The following KIF27 variants were observed in gnomAD, a reference collection of about 807,000 sequenced individuals.
KIF27 encodes the protein kinesin-like protein KIF27.
Under a neutral mutation model 141.8 loss-of-function variants are expected in KIF27, and 84 were observed. The observed-to-expected ratio is 0.59, with a 90% CI of 0.50 to 0.71. The LOEUF is 0.71. Among genes scored for constraint, KIF27 ranks in the 30% least tolerant of loss-of-function variants. The pLI, the probability that KIF27 is intolerant of heterozygous loss-of-function variation, is 0.00. For missense variants in KIF27, 1,306 were observed against 1,628.4 expected (o/e 0.80, Z 3.41); for synonymous variants, 471 against 569.5 (o/e 0.83, Z 2.46).
At chr9:83,880,600 T>G in intron 10 of KIF27, 106 bp from the exon 11 acceptor site, 2 of 926,900 alleles carry the variant, frequency 2.2e-6, no homozygotes, top group Non-Finnish European at 1.6e-6. Context: ...TTCCCTAGAT[T>G]TTCATTTATT....
intron 12 of KIF27, 79 bp from the exon 13 acceptor site, chr9:83,867,939 T>G: frequency 7.4e-7 from 1 of 1,354,582 alleles, no homozygotes; most frequent in Non-Finnish European, 9.9e-7. Flanking sequence ...AATTTCAGAT[T>G]GGCTGAAATC....
chr9:83,917,127 C>A (rs1293517421), intron 1 of KIF27, among the ~76,000 whole-genome samples: 1 of 151,376 alleles, frequency 6.6e-6, no homozygotes, highest in Non-Finnish European at 1.5e-5. Context: ...TGCTATCCCT[C>A]CCCCCTTCCC....
At chr9:83,898,283 G>T (rs1177560149) in intron 5 of KIF27, among the ~76,000 whole-genome samples, 1 of 151,946 alleles carries the variant, frequency 6.6e-6, no homozygotes, top group Non-Finnish European at 1.5e-5. Context: ...TAAAATATTA[G>T]AATTTACAGA....
chr9:83,885,769 C>G (rs1342525745), intron 9 of KIF27, among the ~76,000 whole-genome samples: 2 of 151,874 alleles, frequency 1.3e-5, no homozygotes, highest in Non-Finnish European at 2.9e-5. Flanking sequence ...GTAGCTGGGA[C>G]TACAGGCGTG....
chr9:83,895,048 A>G (rs1270173825), intron 5 of KIF27, among the ~76,000 whole-genome samples: 2 of 151,788 alleles, frequency 1.3e-5, no homozygotes, highest in South Asian at 4.2e-4. Flanking sequence ...GATCGAGACC[A>G]AGACCATCCT....
intron 16 of KIF27, among the ~76,000 whole-genome samples, chr9:83,846,121 C>T (rs952856196): frequency 1.5e-4 from 23 of 151,946 alleles, no homozygotes; most frequent in African/African-American, 3.4e-4. Flanking sequence ...GCTGAGTGCC[C>T]AGTTTGCCAG....
intron 1 of KIF27, among the ~76,000 whole-genome samples, chr9:83,919,573 A>C (rs1956047884): frequency 6.6e-6 from 1 of 152,020 alleles, no homozygotes; most frequent in Non-Finnish European, 1.5e-5. Context: ...AACAACAATG[A>C]ATTGATAATA....
In KIF27 at chr9:83,867,391, T is replaced by TATCC. The variant is rs199553286; in HGVS notation, c.2934+292_2934+293insGGAT. On this transcript the variant is annotated intron_variant, in intron 13 of 17. Coordinates refer to ENST00000297814, the MANE Select transcript of KIF27 (RefSeq NM_017576.4). Reference sequence around the variant, plus strand: ...ACAGAGATAGATCTATCTATCTATCTATCTATCCATCCATCCATCCATCCA... The same window carrying TATCC: ...ACAGAGATAGATCTATCTATCTATCTATCCATCTATCCATCCATCCATCCATCCA... 1.6e-3 allele frequency among the ~76,000 whole-genome samples: 244 copies of TATCC among 152,110 alleles called. 1 individual carries two copies. The highest frequency in any genetic ancestry group is 5.4e-3 in the African/African-American group (226 of 41,492).
rs993037050 is a variant in KIF27, at chr9:83,889,192, C to T, written c.1871G>A (p.Ser624Asn). The T allele has an allele frequency of 6.2e-7, 1 of 1,613,818 alleles. No individual in the cohort carries two copies. The highest frequency in any genetic ancestry group is 1.3e-5 in the African/African-American group (1 of 74,898). The change falls in exon 7 of 18, where the codon AGT becomes AAT. Residue 624 changes from serine (S) to asparagine (N), a missense_variant. Around this residue, in one of 4 missense-constraint regions of KIF27, gnomAD observed 596 missense variants for 751.6 expected, o/e 0.79. Transcript: ENST00000297814. ...DRIFAGFRTR[S>N]QMLLGHIEEQ... Reference sequence around the variant, plus strand: ...TTCTATGTGACCCAACAGCATCTGACTTCGTGTTCGAAATCCAGCAAATAT... The same window carrying T: ...TTCTATGTGACCCAACAGCATCTGATTTCGTGTTCGAAATCCAGCAAATAT...
At chr9:83,857,027 A>G (rs1588019055) in intron 14 of KIF27, among the ~76,000 whole-genome samples, 1 of 151,056 alleles carries the variant, frequency 6.6e-6, no homozygotes, top group East Asian at 1.9e-4. Flanking sequence ...ACTCTGTATT[A>G]TTAGAAATCT....
At chr9:83,877,127 T>C (rs1951264249) in intron 11 of KIF27, among the ~76,000 whole-genome samples, 1 of 152,188 alleles carries the variant, frequency 6.6e-6, no homozygotes, top group Non-Finnish European at 1.5e-5. Context: ...TGTTTTGATA[T>C]ACATAGTGAA....
Position 83,835,639 on chromosome 9 carries a change from G to A in KIF27, c.*1362C>T, listed in dbSNP as rs1335353623. 2 of 152,126 alleles carry A rather than the reference G, an allele frequency of 1.3e-5. No individual in the cohort carries two copies. The highest frequency in any genetic ancestry group is 4.8e-5 in the African/African-American group (2 of 41,420). 9.4% of individuals were successfully genotyped at this position (152,126 alleles called of 1,614,324 possible). The stretch of plus-strand genomic sequence containing the variant: ...GAAGCCTTAAGTCTTTGAGCACAGG[G>A]TGACAGTTTGGGTCCTATGTGAGAT... On this transcript the variant is annotated 3_prime_UTR_variant, in exon 18 of 18. Coordinates refer to ENST00000297814, the MANE Select transcript of KIF27 (RefSeq NM_017576.4).
At chr9:83,861,897 T>A (rs1283982975) in intron 13 of KIF27, among the ~76,000 whole-genome samples, 2 of 151,472 alleles carry the variant, frequency 1.3e-5, no homozygotes, top group Non-Finnish European at 3.0e-5. Flanking sequence ...GGTATCTCAT[T>A]GTGGTTTTGA....
At chr9:83,878,519 T>C (rs1486211103) in intron 11 of KIF27, among the ~76,000 whole-genome samples, 13 of 152,192 alleles carry the variant, frequency 8.5e-5, no homozygotes, top group Non-Finnish European at 1.9e-4. Context: ...CATTGATGGA[T>C]GAATGGATAA....
In KIF27 at chr9:83,835,605, G is replaced by T. The variant is rs1402264196; in HGVS notation, c.*1396C>A. The T allele has an allele frequency of 2.0e-5, 3 of 152,166 alleles. No homozygotes were observed. Among genetic ancestry groups the T allele is most frequent in the African/African-American group, 7.2e-5 (3 of 41,434 alleles). The allele number at this position is 152,166 out of a possible 1,614,324, so 9.4% of individuals were successfully genotyped here. ...ACTCTACTCCCTAGGGGCTAGCAATGAGAGAAAGGAAGCCTTAAGTCTTTG... is the reference window on the plus strand; with the variant it reads ...ACTCTACTCCCTAGGGGCTAGCAATTAGAGAAAGGAAGCCTTAAGTCTTTG... On this transcript the variant is annotated 3_prime_UTR_variant, in exon 18 of 18. Coordinates refer to ENST00000297814, the MANE Select transcript of KIF27 (RefSeq NM_017576.4).
intron 8 of KIF27, 95 bp from the exon 9 acceptor site, chr9:83,887,291 G>T: frequency 1.1e-5 from 9 of 806,584 alleles, no homozygotes; most frequent in Non-Finnish European, 1.6e-5. Context: ...AAGCAATTTA[G>T]AGGTGGCAGT....
At chr9:83,842,020 ACAAT>A (rs552185003) in intron 17 of KIF27, among the ~76,000 whole-genome samples, 70 of 152,212 alleles carry the variant, frequency 4.6e-4, no homozygotes, top group Non-Finnish European at 7.6e-4. Context: ...CACATGGCAG[ACAAT>A]CAATAATTGA....
chr9:83,848,352 TATATATCTAC>T (rs541697103), intron 16 of KIF27, among the ~76,000 whole-genome samples: 20 of 129,996 alleles, frequency 1.5e-4, no homozygotes, highest in African/African-American at 4.7e-4. Context: ...TATGTATCTA[TATATATCTAC>T]ATATATCTAC....
At chr9:83,857,338 A>G (rs1949346045) in intron 14 of KIF27, among the ~76,000 whole-genome samples, 1 of 152,234 alleles carries the variant, frequency 6.6e-6, no homozygotes, top group African/African-American at 2.4e-5. Context: ...TGCTAGTGAC[A>G]GATCTATTTG....
Sources: allele counts gnomAD v4.1 joint callset (sites outside exome capture counted in the v4.1 genomes callset), GRCh38; gene constraint gnomAD v4.1.1; regional missense constraint gnomAD v4.1.1; transcripts MANE v1.5; gene names NCBI Gene and HGNC (gene_info 2026-07-23, HGNC 2026-07-21).